The following NPS variants were observed in gnomAD, a reference collection of about 807,000 sequenced individuals.
NPS encodes prepro-neuropeptide S.
NPS carries 6 observed loss-of-function variants against 7.2 expected under a neutral mutation model. The ratio of observed to expected loss-of-function variants is 0.83; its 90% CI spans 0.46 to 1.64. The LOEUF is 1.64. NPS is among the 40% of genes most tolerant of loss of function. NPS has a pLI of 0.01. For synonymous variants in NPS, 42 were observed against 36.7 expected, an observed-to-expected ratio of 1.14 and a Z score of -0.52; for missense variants, 123 against 97.8, an observed-to-expected ratio of 1.26 and a Z score of -1.09.
intron 2 of NPS, among the ~76,000 whole-genome samples, chr10:127,550,893 A>C (rs1013994357): frequency 6.6e-6 from 1 of 152,176 alleles, no homozygotes; most frequent in African/African-American, 2.4e-5. Context: ...ATACAATCTT[A>C]TTATGTTAAT....
chr10:127,551,309 G>T (rs1453395570), intron 2 of NPS, among the ~76,000 whole-genome samples: 9 of 151,946 alleles, frequency 5.9e-5, no homozygotes, highest in Non-Finnish European at 1.3e-4. Context: ...TGTCTGGGTT[G>T]CACTGAATCT....
chr10:127,550,437 G>A (rs912943195), intron 2 of NPS, among the ~76,000 whole-genome samples: 2 of 151,706 alleles, frequency 1.3e-5, no homozygotes, highest in Non-Finnish European at 2.9e-5. Context: ...CCTCCTATGA[G>A]CATTCAACAC....
At position 127,552,786 on chromosome 10, in the gene NPS, G is replaced by A. The variant is rs537010700; in HGVS notation, c.*147G>A. The stretch of plus-strand genomic sequence containing the variant: ...TCCTGACTGGTACAGAGTAAATTGA[G>A]TAAAAAAAGAAAAAAAATGTAAACA... On this transcript the variant is annotated 3_prime_UTR_variant, in exon 3 of 3. Coordinates refer to ENST00000398023, the MANE Select transcript of NPS (RefSeq NM_001030013.2). 8 of 488,252 alleles carry A rather than the reference G, an allele frequency of 1.6e-5. No individual in the cohort carries two copies. In the South Asian group the frequency reaches 3.2e-4, roughly 19 times the overall value. 30.2% of individuals were successfully genotyped at this position (488,252 alleles called of 1,614,324 possible).
chr10:127,552,265 G>C (rs1844864876), intron 2 of NPS, among the ~76,000 whole-genome samples, 195 bp from the exon 3 acceptor site: 1 of 152,204 alleles, frequency 6.6e-6, no homozygotes, highest in Non-Finnish European at 1.5e-5. Flanking sequence ...GTAAAAATTA[G>C]ACAAGTGGGT....
At chr10:127,551,928 C>G (rs954136285) in intron 2 of NPS, among the ~76,000 whole-genome samples, 3 of 152,000 alleles carry the variant, frequency 2.0e-5, no homozygotes, top group African/African-American at 7.3e-5. Flanking sequence ...CACCACTAAG[C>G]ACCCTACACT....
chr10:127,551,804 C>T (rs1844861355), intron 2 of NPS, among the ~76,000 whole-genome samples: 1 of 152,230 alleles, frequency 6.6e-6, no homozygotes, highest in African/African-American at 2.4e-5. Flanking sequence ...AGCCCTGTCA[C>T]ATGGGGCATG....
Position 127,549,333 on chromosome 10 carries a change from A to C in NPS, c.-36A>C. 6.3e-7 allele frequency: 1 copy of C among 1,592,096 alleles called. No individual in the cohort carries two copies. ...AGTAAGTGTGAGAAATTTGGCAATAAAACCACCTATCTTTACAGATTTTGG... is the reference window on the plus strand; with the variant it reads ...AGTAAGTGTGAGAAATTTGGCAATACAACCACCTATCTTTACAGATTTTGG... On this transcript the variant is annotated 5_prime_UTR_variant, in exon 1 of 3. Transcript: ENST00000398023.
At chr10:127,552,266 A>G (rs1330938221) in intron 2 of NPS, among the ~76,000 whole-genome samples, 194 bp from the exon 3 acceptor site, 4 of 152,206 alleles carry the variant, frequency 2.6e-5, no homozygotes, top group African/African-American at 4.8e-5. Flanking sequence ...TAAAAATTAG[A>G]CAAGTGGGTA....
intron 2 of NPS, among the ~76,000 whole-genome samples, chr10:127,550,866 C>T (rs940602839): frequency 5.3e-5 from 8 of 152,162 alleles, no homozygotes; most frequent in Non-Finnish European, 1.2e-4. Context: ...TTCACTGAGT[C>T]CATTAACCAG....
rs371335984 is a variant in NPS, at chr10:127,549,376, G to A, written c.8G>A (p.Ser3Asn). 3 of 1,609,402 alleles carry A rather than the reference G, an allele frequency of 1.9e-6. No homozygotes were observed. The African/African-American group carries it at 4.0e-5, about 21-fold the overall frequency. The change falls in exon 1 of 3, where the codon AGC (serine) becomes AAC (asparagine). Residue 3 changes from serine to asparagine, a missense_variant and splice_region_variant. Physicochemically the swap from Ser to Asn is conservative, Grantham distance 46. Transcript: ENST00000398023. ...GATTTTGGGAAGTCCAAAATGATTAGGTAAAAGGCTACGTTTTTCTGCAAA... is the reference window on the plus strand; with the variant it reads ...GATTTTGGGAAGTCCAAAATGATTAAGTAAAAGGCTACGTTTTTCTGCAAA... MI[S>N]SVKLNLILVL...
chr10:127,551,661 A>C (rs995202), intron 2 of NPS, among the ~76,000 whole-genome samples: 13,375 of 152,194 alleles, frequency 0.088, 759 homozygotes, highest in Non-Finnish European at 0.14. Flanking sequence ...TGTGCTTTGC[A>C]TTATTGGTGA....
chr10:127,552,096 A>G (rs548685404), intron 2 of NPS, among the ~76,000 whole-genome samples: 148 of 152,322 alleles, frequency 9.7e-4, no homozygotes, highest in African/African-American at 3.1e-3. Flanking sequence ...TGACACCTAG[A>G]GTCTGATCCT....
In NPS at chr10:127,549,374, TA is replaced by T; in HGVS notation, c.7del (p.Ser3AlafsTer3). 1.2e-6 allele frequency: 2 copies of T among 1,609,220 alleles called. No individual in the cohort carries two copies. Among genetic ancestry groups the T allele is most frequent in the Non-Finnish European group, 1.7e-6 (2 of 1,176,248 alleles). On this transcript the variant is annotated frameshift_variant and splice_region_variant, in exon 1 of 3. Coordinates refer to ENST00000398023, the MANE Select transcript of NPS (RefSeq NM_001030013.2). LOFTEE classifies it high-confidence loss of function. ...CAGATTTTGGGAAGTCCAAAATGATTAGGTAAAAGGCTACGTTTTTCTGCAA... is the reference window on the plus strand; with the variant it reads ...CAGATTTTGGGAAGTCCAAAATGATTGGTAAAAGGCTACGTTTTTCTGCAA... MI[S>X]SVKLNLILVL...
chr10:127,549,737 A>G (rs1217631783), intron 2 of NPS, among the ~76,000 whole-genome samples, 167 bp downstream of exon 2: 1 of 152,254 alleles, frequency 6.6e-6, no homozygotes, highest in Non-Finnish European at 1.5e-5. Context: ...AAAAGAAAAT[A>G]TTAGTGTGAC....
intron 2 of NPS, among the ~76,000 whole-genome samples, chr10:127,550,636 T>C (rs571418738): frequency 6.6e-6 from 1 of 152,372 alleles, no homozygotes; most frequent in South Asian, 2.1e-4. Flanking sequence ...AAGAATGTAC[T>C]TTGTTCTAAA....
chr10:127,550,851 C>G (rs931765375), intron 2 of NPS, among the ~76,000 whole-genome samples: 1 of 152,128 alleles, frequency 6.6e-6, no homozygotes, highest in Admixed American at 6.5e-5. Context: ...ATATTTGTTG[C>G]GAACTTCACT....
Position 127,549,584 on chromosome 10 carries a change from T to G in NPS, c.90+14T>G, listed in dbSNP as rs1260733677. 2.7e-6 allele frequency: 4 copies of G among 1,471,050 alleles called. No individual in the cohort carries two copies. In the African/African-American group the frequency reaches 5.6e-5, roughly 20 times the overall value. 91.1% of individuals were successfully genotyped at this position (1,471,050 alleles called of 1,614,324 possible). A position where few individuals can be genotyped will look rare whatever the true frequency, so the allele number is the denominator to read the frequency against. On this transcript the variant is annotated intron_variant, in intron 2 of 2. Coordinates refer to ENST00000398023, the MANE Select transcript of NPS (RefSeq NM_001030013.2). ...CCATCTTCTAAGGTAAGGATTTGCCTCCGTTGTGGATATTTAAATAGATGA... is the reference window on the plus strand; with the variant it reads ...CCATCTTCTAAGGTAAGGATTTGCCGCCGTTGTGGATATTTAAATAGATGA...
At position 127,552,473 on chromosome 10, in the gene NPS, C is replaced by A. The variant is rs1565126765; in HGVS notation, c.104C>A (p.Ser35Tyr). ...PVPSSKVSGK[S>Y]DYFLILLNSC... ...CTGAATTGCCAGGTGTCTGGAAAAT[C>A]TGATTACTTTCTCATTCTGCTGAAC... Residue 35 changes from serine (S) to tyrosine (Y), a missense_variant, in exon 3 of 3, where the codon TCT becomes TAT. Transcript: ENST00000398023. 4 of 1,606,706 alleles carry A rather than the reference C, an allele frequency of 2.5e-6. No individual in the cohort carries two copies. Among genetic ancestry groups the A allele is most frequent in the Admixed American group, 3.3e-5 (2 of 59,722 alleles).
Position 127,552,548 on chromosome 10 carries a change from C to G in NPS, c.179C>G (p.Pro60Arg). The change falls in exon 3 of 3, where the codon CCA becomes CGA. Residue 60 changes from proline to arginine, a missense_variant. Physicochemically the swap from Pro to Arg is moderately radical, Grantham distance 103. Transcript: ENST00000398023. ...DRSKELAFLKPILEKMFVKRS... is the reference protein window; with the variant it reads ...DRSKELAFLKRILEKMFVKRS... ...AGCAAAGAACTAGCTTTTCTAAAGC[C>G]AATTTTGGAGAAGATGTTTGTGAAA... 6.2e-7 allele frequency: 1 copy of G among 1,612,590 alleles called. No individual in the cohort carries two copies. Among genetic ancestry groups the G allele is most frequent in the South Asian group, 1.1e-5 (1 of 91,042 alleles).
Sources: gnomAD v4.1 joint callset for allele counts (sites outside exome capture counted in the v4.1 genomes callset) on GRCh38, gnomAD v4.1.1 for gene constraint, MANE v1.5 for transcripts, NCBI Gene and HGNC (gene_info 2026-07-23, HGNC 2026-07-21) for gene names.